The following ADGRB3 variants were observed in gnomAD, a reference collection of about 807,000 sequenced individuals.
The protein encoded by ADGRB3 is brain-specific angiogenesis inhibitor 3.
In ADGRB3, 37 loss-of-function variants were observed where a neutral mutation model predicts 193.4. That is an observed-to-expected ratio of 0.19 (90% CI 0.15 to 0.25). ADGRB3 has a LOEUF of 0.25. Ranked by LOEUF, ADGRB3 falls within the 10% of genes least tolerant of loss-of-function variation. The probability of loss-of-function intolerance (pLI) is 1.00; values close to 1 mark genes in which losing one functional copy is unlikely to be tolerated. For missense variants in ADGRB3, 1,637 were observed against 1,852.9 expected, an observed-to-expected ratio of 0.88 and a Z score of 2.14; for synonymous variants, 690 against 644.2, an observed-to-expected ratio of 1.07 and a Z score of -1.08.
At chr6:68,894,008 AT>A (rs1247554910) in intron 3 of ADGRB3, among the ~76,000 whole-genome samples, 4 of 152,076 alleles carry the variant, frequency 2.6e-5, no homozygotes, top group African/African-American at 7.2e-5. Flanking sequence ...TAGATGATAT[AT>A]TTTAATAATA....
intron 11 of ADGRB3, among the ~76,000 whole-genome samples, chr6:68,994,971 AC>A (rs1275677798): frequency 3.7e-4 from 56 of 152,166 alleles, no homozygotes; most frequent in African/African-American, 1.4e-3. Context: ...AATAATACTG[AC>A]ACCCTAATTT....
chr6:68,703,059 GGT>G (rs1765269647), intron 3 of ADGRB3, among the ~76,000 whole-genome samples: 1 of 152,094 alleles, frequency 6.6e-6, no homozygotes, highest in Non-Finnish European at 1.5e-5. Context: ...ATTGATGGGT[GGT>G]TGGAAAGATT....
chr6:68,743,609 G>A (rs1766024212), intron 3 of ADGRB3, among the ~76,000 whole-genome samples: 1 of 151,884 alleles, frequency 6.6e-6, no homozygotes, highest in Admixed American at 6.6e-5. Context: ...TAGACATTCT[G>A]AAAAGAGATA....
chr6:69,328,280 T>C (rs1768626833), intron 22 of ADGRB3, among the ~76,000 whole-genome samples: 1 of 152,156 alleles, frequency 6.6e-6, no homozygotes, highest in African/African-American at 2.4e-5. Context: ...CCAAGTTTTG[T>C]CATGTTAGTT....
At chr6:68,700,345 T>C (rs1172664541) in intron 3 of ADGRB3, among the ~76,000 whole-genome samples, 4 of 152,110 alleles carry the variant, frequency 2.6e-5, no homozygotes, top group Non-Finnish European at 5.9e-5. Flanking sequence ...AGATCTACTT[T>C]ATTTTCAAAA....
intron 26 of ADGRB3, among the ~76,000 whole-genome samples, chr6:69,352,366 A>G (rs1769244517): frequency 6.6e-6 from 1 of 152,246 alleles, no homozygotes; most frequent in Non-Finnish European, 1.5e-5. Context: ...GGAAAAGATG[A>G]TCAGACTAGA....
At chr6:68,727,741 A>C (rs1765699509) in intron 3 of ADGRB3, among the ~76,000 whole-genome samples, 1 of 151,526 alleles carries the variant, frequency 6.6e-6, no homozygotes, top group South Asian at 2.1e-4. Flanking sequence ...TATATTCTAT[A>C]GGCCTTTCTT....
intron 17 of ADGRB3, among the ~76,000 whole-genome samples, chr6:69,102,623 T>A (rs538997286): frequency 1.3e-5 from 2 of 152,248 alleles, no homozygotes; most frequent in African/African-American, 2.4e-5. Flanking sequence ...TGTGAATGGA[T>A]CAGTGAGCAG....
intron 3 of ADGRB3, among the ~76,000 whole-genome samples, chr6:68,667,846 A>G (rs1428871400): frequency 6.6e-6 from 1 of 151,900 alleles, no homozygotes; most frequent in Non-Finnish European, 1.5e-5. Context: ...GACTAGGGCT[A>G]GTGTTCTGGA....
intron 3 of ADGRB3, among the ~76,000 whole-genome samples, chr6:68,829,143 A>T (rs985890593): frequency 4.9e-5 from 6 of 121,428 alleles, no homozygotes; most frequent in Admixed American, 2.3e-4. Flanking sequence ...TCTGTTGCCC[A>T]GGCTGGAGTG....
intron 7 of ADGRB3, 51 bp from the exon 8 acceptor site, chr6:68,956,594 A>T: frequency 1.3e-6 from 2 of 1,599,904 alleles, no homozygotes; most frequent in Non-Finnish European, 1.7e-6. Flanking sequence ...TAAAATTTTT[A>T]AAGGAGTGTG....
At chr6:68,765,471 T>C (rs1414629138) in intron 3 of ADGRB3, among the ~76,000 whole-genome samples, 1 of 151,744 alleles carries the variant, frequency 6.6e-6, no homozygotes, top group African/African-American at 2.4e-5. Context: ...GAAATTACAT[T>C]GGTAGATTTT....
chr6:69,207,921 G>A (rs1239268860), intron 17 of ADGRB3, among the ~76,000 whole-genome samples: 1 of 152,168 alleles, frequency 6.6e-6, no homozygotes, highest in East Asian at 1.9e-4. Context: ...ACCCAGTGGG[G>A]ACAAATCTCT....
intron 3 of ADGRB3, among the ~76,000 whole-genome samples, chr6:68,821,705 T>G (rs1454721748): frequency 6.6e-6 from 1 of 151,944 alleles, no homozygotes; most frequent in Non-Finnish European, 1.5e-5. Context: ...GAATTTTTAA[T>G]TTTAATAAAC....
intron 6 of ADGRB3, among the ~76,000 whole-genome samples, chr6:68,951,881 G>A (rs1029258855): frequency 1.3e-5 from 2 of 152,086 alleles, no homozygotes; most frequent in Admixed American, 1.3e-4. Context: ...AGTCAAGCCT[G>A]CCTGCAGGGT....
At chr6:69,169,225 T>A (rs1156246209) in intron 17 of ADGRB3, among the ~76,000 whole-genome samples, 1 of 152,096 alleles carries the variant, frequency 6.6e-6, no homozygotes, top group Non-Finnish European at 1.5e-5. Context: ...TAAATTGTGA[T>A]TATGCAATTT....
At chr6:69,172,600 C>T (rs1169354008) in intron 17 of ADGRB3, among the ~76,000 whole-genome samples, 6 of 127,578 alleles carry the variant, frequency 4.7e-5, no homozygotes, top group South Asian at 2.6e-4. Flanking sequence ...GTCGAGATTG[C>T]GCCACTGCAC....
chr6:68,713,286 C>G (rs960221266), intron 3 of ADGRB3, among the ~76,000 whole-genome samples: 1 of 151,796 alleles, frequency 6.6e-6, no homozygotes, highest in African/African-American at 2.4e-5. Flanking sequence ...ATCAAATAAT[C>G]AAAGCATCTG....
intron 3 of ADGRB3, among the ~76,000 whole-genome samples, chr6:68,747,905 G>C (rs1335673729): frequency 6.6e-6 from 1 of 152,210 alleles, no homozygotes; most frequent in Middle Eastern, 3.4e-3. Context: ...ATATGGCTTG[G>C]GGGGGCCTCA....
Sources: allele counts gnomAD v4.1 joint callset (sites outside exome capture counted in the v4.1 genomes callset), GRCh38; gene constraint gnomAD v4.1.1; transcripts MANE v1.5; gene names NCBI Gene and HGNC (gene_info 2026-07-23, HGNC 2026-07-21).